The following ENG variants were observed in gnomAD, a reference collection of about 807,000 sequenced individuals.
ENG encodes endoglin.
Under a neutral mutation model 71.0 loss-of-function variants are expected in ENG, and 17 were observed. That is an observed-to-expected ratio of 0.24 (90% CI 0.16 to 0.36). The LOEUF (loss-of-function observed/expected upper bound fraction) is 0.36. ENG is among the 10% of genes least tolerant of loss of function. The pLI is 1.00. For missense variants in ENG, 749 were observed against 868.3 expected, an observed-to-expected ratio of 0.86 and a Z score of 1.73; for synonymous variants, 360 against 366.9, an observed-to-expected ratio of 0.98 and a Z score of 0.21.
intron 7 of ENG, 145 bp from the exon 8 acceptor site, chr9:127,824,591 T>A: frequency 8.6e-7 from 1 of 1,164,032 alleles, no homozygotes; most frequent in East Asian, 2.7e-5. Context: ...CGATCTTGGC[T>A]CACTGCAACC....
Position 127,824,414 on chromosome 9 carries a change from G to T in ENG, c.1024C>A (p.Gln342Lys). 1 of 1,614,080 alleles carries T rather than the reference G, an allele frequency of 6.2e-7. No individual in the cohort carries two copies. The highest frequency in any genetic ancestry group is 8.5e-7 in the Non-Finnish European group (1 of 1,180,008). Reference sequence around the variant, plus strand: ...CAAGTGTCCTTGGGAGGAGTGGTCTGGATCGGTGCGGGTGAGGTCTGCAGC... The same window carrying T: ...CAAGTGTCCTTGGGAGGAGTGGTCTTGATCGGTGCGGGTGAGGTCTGCAGC... ...GRLQTSPAPI[Q>K]TTPPKDTCSP... The change falls in exon 8 of 15, where the codon CAG (glutamine) becomes AAG (lysine). Residue 342 changes from glutamine to lysine, a missense_variant. Coordinates refer to ENST00000373203, the MANE Select transcript of ENG (RefSeq NM_001114753.3).
At chr9:127,834,461 G>T (rs1282388925) in intron 2 of ENG, among the ~76,000 whole-genome samples, 1 of 151,948 alleles carries the variant, frequency 6.6e-6, no homozygotes, top group Non-Finnish European at 1.5e-5. Context: ...CCAGGCTAAA[G>T]TACAGCGATC....
At position 127,823,673 on chromosome 9, in the gene ENG, C is replaced by CTTTTT. The variant is rs1017053002; in HGVS notation, c.1134+626_1134+630dup. On this transcript the variant is annotated intron_variant, in intron 8 of 14. Transcript: ENST00000373203. ...AAAGTGCTGGGATTACAGGCACCGG[C>CTTTTT]TTTTTTTTTTTTTTTTTTTTTTTTC... Among the ~76,000 whole-genome samples, 33 of 99,036 alleles carry CTTTTT rather than the reference C, an allele frequency of 3.3e-4. 1 individual carries two copies. The highest frequency in any genetic ancestry group is 1.2e-3 in the East Asian group (4 of 3,284). The allele number at this position is 99,036 out of a possible 152,430, so 65.0% of individuals were successfully genotyped here.
At chr9:127,821,167 C>T (rs1830458415) in intron 8 of ENG, 1 of 152,220 alleles carries the variant, frequency 6.6e-6, no homozygotes. Context: ...CGTGGTGGCT[C>T]ACGCCTGTAA....
rs563859426 is a variant in ENG, at chr9:127,836,110, G to A, written c.220-6283C>T. 4.6e-5 allele frequency among the ~76,000 whole-genome samples: 7 copies of A among 152,270 alleles called. No individual in the cohort carries two copies. In the East Asian group the frequency reaches 7.7e-4, roughly 17 times the overall value. ...TCCCTCCCCACGGCCCTGACTCACC[G>A]CCACGGCCACTCACACGCACACCGA... On this transcript the variant is annotated intron_variant, in intron 2 of 14. Transcript: ENST00000373203. The surrounding 1 kb of genome is among the most constrained non-coding windows in gnomAD (Gnocchi z 4.0).
In ENG at chr9:127,824,386, C is replaced by A. The variant is rs1170155395; in HGVS notation, c.1052G>T (p.Ser351Ile). ...IQTTPPKDTC[S>I]PELLMSLIQT... ...GATCAAGGACATGAGCAGCTCCGGG[C>A]TACAAGTGTCCTTGGGAGGAGTGGT... is the stretch of plus-strand genomic sequence containing the variant. The change falls in exon 8 of 15, where the codon AGC (serine) becomes ATC (isoleucine). Residue 351 changes from serine (S) to isoleucine (I), a missense_variant. Transcript: ENST00000373203. The A allele has an allele frequency of 6.2e-7, 1 of 1,613,982 alleles. No individual in the cohort carries two copies. Among genetic ancestry groups the A allele is most frequent in the African/African-American group, 1.3e-5 (1 of 74,890 alleles).
At chr9:127,828,772 A>G (rs1355152775) in intron 3 of ENG, among the ~76,000 whole-genome samples, 2 of 151,982 alleles carry the variant, frequency 1.3e-5, no homozygotes, top group Non-Finnish European at 2.9e-5. Flanking sequence ...CCAGTCCGGA[A>G]GCTTCTCCCC....
At chr9:127,819,861 C>G (rs1298254291) in intron 9 of ENG, 39 bp downstream of exon 9, 1 of 1,614,164 alleles carries the variant, frequency 6.2e-7, no homozygotes, top group Admixed American at 1.7e-5. Context: ...GGGGCACCAA[C>G]CAGGCTGGTC....
intron 3 of ENG, chr9:127,827,299 A>C (rs1830641873): frequency 6.6e-6 from 1 of 152,556 alleles, no homozygotes; most frequent in Non-Finnish European, 1.5e-5. Context: ...CCATTCAGAA[A>C]CTAGACATGC....
At position 127,836,145 on chromosome 9, in the gene ENG, T is replaced by C. The variant is rs1830897561; in HGVS notation, c.220-6318A>G. ...CTCACACGCACACCGACTTCCCCCT[T>C]CTCTCCCGGCCGGGGGCCCCAGAGG... On this transcript the variant is annotated intron_variant, in intron 2 of 14. Transcript: ENST00000373203. The surrounding 1 kb of genome is among the most constrained non-coding windows in gnomAD (Gnocchi z 4.0). Among the ~76,000 whole-genome samples, 1 of 152,114 alleles carries C rather than the reference T, an allele frequency of 6.6e-6. No homozygotes were observed. Among genetic ancestry groups the C allele is most frequent in the Non-Finnish European group, 1.5e-5 (1 of 68,012 alleles).
chr9:127,851,322 C>A (rs945352188), intron 1 of ENG, among the ~76,000 whole-genome samples: 26 of 151,890 alleles, frequency 1.7e-4, no homozygotes, highest in African/African-American at 6.3e-4. Context: ...CAGGGTCAAG[C>A]GATTCTCCTG....
At position 127,815,541 on chromosome 9, in the gene ENG, A is replaced by G; in HGVS notation, c.*141T>C. Reference sequence around the variant, plus strand: ...GCTGCACTGGCAGCAGGCCTCTGAGAGGGAGGCGGGAAGGGTAGGCGCGGA... The same window carrying G: ...GCTGCACTGGCAGCAGGCCTCTGAGGGGGAGGCGGGAAGGGTAGGCGCGGA... On this transcript the variant is annotated 3_prime_UTR_variant, in exon 15 of 15. Coordinates refer to ENST00000373203, the MANE Select transcript of ENG (RefSeq NM_001114753.3). 1 of 1,420,078 alleles carries G rather than the reference A, an allele frequency of 7.0e-7. No individual in the cohort carries two copies. Among genetic ancestry groups the G allele is most frequent in the East Asian group, 2.5e-5 (1 of 39,986 alleles). 88.0% of individuals were successfully genotyped at this position (1,420,078 alleles called of 1,614,324 possible).
At chr9:127,842,956 C>T in intron 2 of ENG, 138 bp downstream of exon 2, 2 of 1,382,428 alleles carry the variant, frequency 1.4e-6, no homozygotes, top group Non-Finnish European at 2.0e-6. Context: ...TGTGAGATGC[C>T]CACATCACTC....
chr9:127,834,218 G>T (rs538103051), intron 2 of ENG, among the ~76,000 whole-genome samples: 1 of 151,612 alleles, frequency 6.6e-6, no homozygotes, highest in Admixed American at 6.6e-5. Flanking sequence ...GACTACAGGC[G>T]TGCGCCACCA....
intron 2 of ENG, among the ~76,000 whole-genome samples, chr9:127,842,781 C>G (rs1433677336): frequency 4.6e-5 from 7 of 152,200 alleles, no homozygotes. Context: ...TTCTGAGATT[C>G]TGTGAGGTCT....
chr9:127,831,670 C>T (rs970610306), intron 2 of ENG, among the ~76,000 whole-genome samples: 18 of 151,288 alleles, frequency 1.2e-4, no homozygotes, highest in African/African-American at 4.4e-4. Context: ...CAGGTGTGAA[C>T]CACCCTGCCT....
Position 127,846,079 on chromosome 9 carries a change from G to C in ENG, c.68-2834C>G, listed in dbSNP as rs538078096. 2.6e-5 allele frequency among the ~76,000 whole-genome samples: 4 copies of C among 152,298 alleles called. No homozygotes were observed. Among genetic ancestry groups the C allele is most frequent in the East Asian group, 1.9e-4 (1 of 5,182 alleles). ...GACTTCAGTCACTGTAGAATTGACT[G>C]TTCTAAGGGGTGGGGTGAAGTGGCG... is the stretch of plus-strand genomic sequence containing the variant. On this transcript the variant is annotated intron_variant, in intron 1 of 14. Transcript: ENST00000373203. The surrounding 1 kb of genome is among the most constrained non-coding windows in gnomAD (Gnocchi z 5.5).
chr9:127,823,021 A>G (rs1830505950), intron 8 of ENG, among the ~76,000 whole-genome samples: 1 of 148,570 alleles, frequency 6.7e-6, no homozygotes, highest in South Asian at 2.1e-4. Flanking sequence ...TTTCTATTTT[A>G]GTAGAGACAG....
At position 127,852,909 on chromosome 9, in the gene ENG, C is replaced by T. The variant is rs144549140; in HGVS notation, c.67+1380G>A. 1.1e-4 allele frequency among the ~76,000 whole-genome samples: 16 copies of T among 152,260 alleles called. No individual in the cohort carries two copies. In the East Asian group the frequency reaches 2.1e-3, roughly 20 times the overall value. ...AATGTCTGCATGGACCTTTCTCTAACGACCAAGAGGAAGAGAGTGTTACTG... is the reference window on the plus strand; with the variant it reads ...AATGTCTGCATGGACCTTTCTCTAATGACCAAGAGGAAGAGAGTGTTACTG... On this transcript the variant is annotated intron_variant, in intron 1 of 14. Coordinates refer to ENST00000373203, the MANE Select transcript of ENG (RefSeq NM_001114753.3).
Sources: allele counts gnomAD v4.1 joint callset (sites outside exome capture counted in the v4.1 genomes callset), GRCh38; gene constraint gnomAD v4.1.1; non-coding constraint Gnocchi (gnomAD v3.1); transcripts MANE v1.5; gene names NCBI Gene and HGNC (gene_info 2026-07-23, HGNC 2026-07-21).